The following GPR55 variants were observed in gnomAD, a reference collection of about 807,000 sequenced individuals.
GPR55 encodes the protein G protein-coupled receptor 55.
GPR55 carries 6 observed loss-of-function variants against 7.9 expected under a neutral mutation model. The observed-to-expected ratio is 0.76, with a 90% CI of 0.41 to 1.49. The LOEUF (loss-of-function observed/expected upper bound fraction) is 1.49. Among genes scored for constraint, GPR55 ranks in the 40% most tolerant of loss-of-function variants. GPR55 has a pLI of 0.01. For synonymous variants in GPR55, 183 were observed against 166.8 expected (o/e 1.10, Z -0.75); for missense variants, 376 against 406.0 (o/e 0.93, Z 0.63).
At chr2:230,946,199 A>C (rs1354275366) in intron 1 of GPR55, among the ~76,000 whole-genome samples, 1 of 152,180 alleles carries the variant, frequency 6.6e-6, no homozygotes, top group Admixed American at 6.5e-5. Context: ...GGGAGTTGCC[A>C]GGGGCTGGAG....
At chr2:230,947,144 C>T (rs988778951) in intron 1 of GPR55, among the ~76,000 whole-genome samples, 2 of 152,204 alleles carry the variant, frequency 1.3e-5, no homozygotes, top group African/African-American at 4.8e-5. Flanking sequence ...CAAATCGCTC[C>T]TTTCCACTAT....
chr2:230,913,664 G>C (rs1301468509), intron 1 of GPR55, among the ~76,000 whole-genome samples: 1 of 152,194 alleles, frequency 6.6e-6, no homozygotes, highest in African/African-American at 2.4e-5. Flanking sequence ...AATCTGCAAG[G>C]TGGGGTGGCC....
At chr2:230,943,089 GAGAGAGAGAGGAGAGAAA>G (rs1691259217) in intron 1 of GPR55, among the ~76,000 whole-genome samples, 1 of 151,172 alleles carries the variant, frequency 6.6e-6, no homozygotes, top group Admixed American at 6.6e-5. Flanking sequence ...AGGAGAGAAA[GAGAGAGAGAGGAGAGAAA>G]GAGAGAGAGA....
chr2:230,919,252 T>C (rs539949526), intron 1 of GPR55, among the ~76,000 whole-genome samples: 1 of 152,286 alleles, frequency 6.6e-6, no homozygotes, highest in East Asian at 1.9e-4. Context: ...AAGCTCTTTG[T>C]CAACTTAGCA....
chr2:230,952,962 G>A (rs1691427265), intron 1 of GPR55, among the ~76,000 whole-genome samples: 1 of 152,238 alleles, frequency 6.6e-6, no homozygotes, highest in African/African-American at 2.4e-5. Context: ...GAGGACCTCT[G>A]CTGCCAGTTG....
chr2:230,936,768 A>G (rs929945149), intron 1 of GPR55, among the ~76,000 whole-genome samples: 4 of 152,060 alleles, frequency 2.6e-5, no homozygotes, highest in Non-Finnish European at 5.9e-5. Context: ...CCCAGAGATA[A>G]GTCTGATGAC....
intron 1 of GPR55, among the ~76,000 whole-genome samples, chr2:230,919,825 G>A (rs1216023279): frequency 6.6e-6 from 1 of 151,834 alleles, no homozygotes; most frequent in Admixed American, 6.6e-5. Flanking sequence ...GCCAACAAGA[G>A]GTTAAGTTCA....
Position 230,910,207 on chromosome 2 carries a change from C to CA in GPR55, c.755dup (p.Arg253GlufsTer94). 6.2e-7 allele frequency: 1 copy of CA among 1,614,108 alleles called. No homozygotes were observed. The highest frequency in any genetic ancestry group is 8.5e-7 in the Non-Finnish European group (1 of 1,179,946). On this transcript the variant is annotated frameshift_variant, in exon 2 of 2. Transcript: ENST00000650999. LOFTEE classifies it high-confidence loss of function. The surrounding 1 kb of genome is among the most constrained non-coding windows in gnomAD (Gnocchi z 5.4). ...TGCACTCTACGATAAAGCTGTTTCTCACCAGGAACTGCAGGAAGAACCCCA... is the reference window on the plus strand; with the variant it reads ...TGCACTCTACGATAAAGCTGTTTCTCAACCAGGAACTGCAGGAAGAACCCCA...
At chr2:230,922,737 G>A (rs1026534804) in intron 1 of GPR55, among the ~76,000 whole-genome samples, 5 of 152,008 alleles carry the variant, frequency 3.3e-5, no homozygotes, top group East Asian at 1.9e-4. Flanking sequence ...CACCACGCCC[G>A]GCTAATTTTG....
intron 1 of GPR55, chr2:230,957,713 T>A (rs1297774106): frequency 1.8e-6 from 1 of 549,048 alleles, no homozygotes; most frequent in African/African-American, 1.9e-5. Context: ...TTCATTAGGA[T>A]CTGTTGTGGC....
At chr2:230,948,516 C>T (rs1227803583) in intron 1 of GPR55, among the ~76,000 whole-genome samples, 1 of 152,184 alleles carries the variant, frequency 6.6e-6, no homozygotes, top group African/African-American at 2.4e-5. Flanking sequence ...TGGAATAGAA[C>T]CTACTTTCTC....
intron 1 of GPR55, among the ~76,000 whole-genome samples, chr2:230,935,597 C>T (rs1380061254): frequency 1.3e-5 from 2 of 152,160 alleles, no homozygotes; most frequent in African/African-American, 4.8e-5. Context: ...CAGAGATTCA[C>T]ATGTGCATGC....
chr2:230,953,541 C>T (rs546586535), intron 1 of GPR55, among the ~76,000 whole-genome samples: 1 of 152,328 alleles, frequency 6.6e-6, no homozygotes, highest in South Asian at 2.1e-4. Flanking sequence ...CACAGTCCTG[C>T]CAGCACCCTG....
intron 1 of GPR55, among the ~76,000 whole-genome samples, chr2:230,958,446 A>T (rs1046108294): frequency 2.0e-5 from 3 of 151,282 alleles, no homozygotes; most frequent in Non-Finnish European, 4.4e-5. Flanking sequence ...GTTATTATTG[A>T]CTATAGTCAC....
chr2:230,920,092 T>TTGTGTGTGTG (rs61504370), intron 1 of GPR55, among the ~76,000 whole-genome samples: 1 of 149,404 alleles, frequency 6.7e-6, no homozygotes, highest in African/African-American at 2.5e-5. Flanking sequence ...TCTCTGTCTT[T>TTGTGTGTGTG]TGTGTGTGTG....
At chr2:230,930,777 T>G (rs768559853) in intron 1 of GPR55, among the ~76,000 whole-genome samples, 13 of 152,198 alleles carry the variant, frequency 8.5e-5, no homozygotes, top group Non-Finnish European at 1.3e-4. Flanking sequence ...GTTTTATCTT[T>G]GTTTTGCGGC....
rs149262201 is a variant in GPR55, at chr2:230,942,280, CCTT to C, written c.-135+18492_-135+18494del. Among the ~76,000 whole-genome samples the C allele has an allele frequency of 8.4e-3, 1,273 of 152,302 alleles. 20 individuals are homozygous for C. Among genetic ancestry groups the C allele is most frequent in the African/African-American group, 0.029 (1,186 of 41,552 alleles). ...CCAGGACAGAGGCAAGGGCCTGCCT[CCTT>C]CTTCTGCCTCCTTCTCCTGCCTCAG... On this transcript the variant is annotated intron_variant, in intron 1 of 1. Transcript: ENST00000392039.
At chr2:230,936,296 C>T (rs1467957085) in intron 1 of GPR55, among the ~76,000 whole-genome samples, 1 of 152,130 alleles carries the variant, frequency 6.6e-6, no homozygotes, top group Non-Finnish European at 1.5e-5. Flanking sequence ...TCTCATAATC[C>T]TCACATGTCG....
At chr2:230,913,008 T>A (rs1201527461) in intron 1 of GPR55, among the ~76,000 whole-genome samples, 1 of 152,224 alleles carries the variant, frequency 6.6e-6, no homozygotes, top group East Asian at 1.9e-4. Flanking sequence ...ATGACTTCTT[T>A]AAAATTTGGA....
Sources: allele counts gnomAD v4.1 joint callset (sites outside exome capture counted in the v4.1 genomes callset), GRCh38; gene constraint gnomAD v4.1.1; non-coding constraint Gnocchi (gnomAD v3.1); transcripts MANE v1.5; gene names NCBI Gene and HGNC (gene_info 2026-07-23, HGNC 2026-07-21).